CACNA2D1: variants seen among roughly 807,000 people sequenced by gnomAD.
The protein encoded by CACNA2D1 is calcium voltage-gated channel auxiliary subunit alpha2delta 1, also known as voltage-dependent calcium channel subunit alpha-2/delta-1.
Under a neutral mutation model 171.5 loss-of-function variants are expected in CACNA2D1, and 53 were observed. That is an observed-to-expected ratio of 0.31 (90% CI 0.25 to 0.39). The LOEUF is 0.39. CACNA2D1 is among the 10% of genes least tolerant of loss of function. The pLI, the probability that CACNA2D1 is intolerant of heterozygous loss-of-function variation, is 1.00. For synonymous variants in CACNA2D1, 442 were observed against 443.1 expected (o/e 1.00, Z 0.03); for missense variants, 903 against 1,299.8 (o/e 0.69, Z 4.69).
At chr7:82,225,332 A>G (rs977828817) in intron 3 of CACNA2D1, among the ~76,000 whole-genome samples, 8 of 152,214 alleles carry the variant, frequency 5.3e-5, no homozygotes. Flanking sequence ...CAAAAGACTT[A>G]TTATAAAATT....
chr7:82,294,063 T>A lies in CACNA2D1; in HGVS notation c.294+41072A>T, dbSNP rs562775745. Among the ~76,000 whole-genome samples, 14 of 152,310 alleles carry A rather than the reference T, an allele frequency of 9.2e-5. No individual in the cohort carries two copies. In the South Asian group the frequency reaches 2.9e-3, roughly 32 times the overall value. On this transcript the variant is annotated intron_variant, in intron 3 of 38. Coordinates refer to ENST00000356860, the MANE Select transcript of CACNA2D1 (RefSeq NM_000722.4). The stretch of plus-strand genomic sequence containing the variant: ...CAGATTTAAGTCTTCATTTTTCCTT[T>A]ATTTTATTCCAATGGGGCATTTGAA...
At chr7:81,952,237 C>T (rs1377851904) in intron 38 of CACNA2D1, among the ~76,000 whole-genome samples, 2 of 151,464 alleles carry the variant, frequency 1.3e-5, no homozygotes, top group African/African-American at 4.9e-5. Flanking sequence ...GGTAGATGTT[C>T]TAAGAATCAA....
chr7:82,363,350 C>T (rs1277810685), intron 1 of CACNA2D1, among the ~76,000 whole-genome samples: 1 of 147,924 alleles, frequency 6.8e-6, no homozygotes, highest in Non-Finnish European at 1.5e-5. Context: ...CTGCAAGCTC[C>T]ACCTCCCAGG....
At chr7:82,050,407 G>A (rs930187619) in intron 10 of CACNA2D1, 14 of 582,098 alleles carry the variant, frequency 2.4e-5, no homozygotes, top group Non-Finnish European at 3.7e-5. Context: ...TGCACAAGCT[G>A]CCCAAACCTC....
At chr7:81,957,667 TCA>T (rs1793574537) in intron 38 of CACNA2D1, among the ~76,000 whole-genome samples, 1 of 152,082 alleles carries the variant, frequency 6.6e-6, no homozygotes, top group Non-Finnish European at 1.5e-5. Context: ...CAGAGCAGAT[TCA>T]CAGTGACCAT....
intron 3 of CACNA2D1, among the ~76,000 whole-genome samples, chr7:82,328,865 A>C (rs1585516500): frequency 6.6e-6 from 1 of 152,158 alleles, no homozygotes; most frequent in East Asian, 1.9e-4. Flanking sequence ...ATTCTATTGA[A>C]TCTATTCTCA....
chr7:82,337,660 T>C (rs556799241), intron 2 of CACNA2D1, among the ~76,000 whole-genome samples: 2 of 152,310 alleles, frequency 1.3e-5, no homozygotes, highest in Admixed American at 1.3e-4. Flanking sequence ...GTGGAAATAA[T>C]ACGAGTTTTT....
chr7:82,031,389 T>G (rs1200480386), intron 12 of CACNA2D1, among the ~76,000 whole-genome samples: 1 of 152,074 alleles, frequency 6.6e-6, no homozygotes, highest in South Asian at 2.1e-4. Context: ...TGATGATTTC[T>G]TTGAAAGAAA....
At chr7:82,299,170 C>T (rs1812684253) in intron 3 of CACNA2D1, among the ~76,000 whole-genome samples, 1 of 151,026 alleles carries the variant, frequency 6.6e-6, no homozygotes, top group Non-Finnish European at 1.5e-5. Flanking sequence ...ATGTTGTTAA[C>T]ATTAAAGACA....
At chr7:82,359,554 T>C (rs1274514323) in intron 1 of CACNA2D1, among the ~76,000 whole-genome samples, 5 of 152,166 alleles carry the variant, frequency 3.3e-5, no homozygotes, top group Non-Finnish European at 5.9e-5. Flanking sequence ...AAATACGTTT[T>C]CTTTCTACTA....
intron 1 of CACNA2D1, among the ~76,000 whole-genome samples, chr7:82,391,843 T>C (rs887854334): frequency 9.9e-5 from 15 of 152,222 alleles, no homozygotes; most frequent in African/African-American, 3.6e-4. Context: ...ATTGAACCAT[T>C]ACTGTGGATG....
intron 5 of CACNA2D1, 81 bp from the exon 6 acceptor site, chr7:82,117,254 T>C (rs945800294): frequency 5.5e-5 from 74 of 1,348,074 alleles, no homozygotes; most frequent in South Asian, 6.0e-5. Flanking sequence ...ACTTGCCAAA[T>C]GCATATTTTT....
chr7:82,018,096 A>G (rs540829185), intron 12 of CACNA2D1, among the ~76,000 whole-genome samples: 11 of 152,306 alleles, frequency 7.2e-5, no homozygotes, highest in African/African-American at 2.4e-4. Flanking sequence ...GTTTGCTTCT[A>G]TGAAATTTTC....
chr7:82,322,231 A>T (rs562932929), intron 3 of CACNA2D1, among the ~76,000 whole-genome samples: 1 of 151,324 alleles, frequency 6.6e-6, no homozygotes, highest in East Asian at 1.9e-4. Flanking sequence ...AGAACTGCCA[A>T]CTCCCTTGCC....
intron 11 of CACNA2D1, among the ~76,000 whole-genome samples, chr7:82,033,971 T>C (rs903652876): frequency 6.6e-6 from 1 of 152,114 alleles, no homozygotes; most frequent in African/African-American, 2.4e-5. Flanking sequence ...TATGGAACTT[T>C]AAATTTTCTA....
At chr7:81,995,798 C>CAAAA (rs59979323) in intron 19 of CACNA2D1, among the ~76,000 whole-genome samples, 13 of 101,536 alleles carry the variant, frequency 1.3e-4, no homozygotes, top group African/African-American at 4.1e-4. Flanking sequence ...GACTCCACCT[C>CAAAA]AAAAAAAAAA....
chr7:82,375,797 T>C (rs750231760), intron 1 of CACNA2D1, among the ~76,000 whole-genome samples: 4 of 152,268 alleles, frequency 2.6e-5, no homozygotes, highest in South Asian at 4.1e-4. Context: ...TTGTAGACTG[T>C]CTTAATTGCC....
chr7:82,338,714 G>T (rs1818282323), intron 2 of CACNA2D1, among the ~76,000 whole-genome samples: 2 of 152,170 alleles, frequency 1.3e-5, no homozygotes, highest in Non-Finnish European at 2.9e-5. Flanking sequence ...AGCCGAAGGT[G>T]AGTGGTAATG....
At chr7:82,403,069 A>C (rs1024020515) in intron 1 of CACNA2D1, among the ~76,000 whole-genome samples, 2 of 152,188 alleles carry the variant, frequency 1.3e-5, no homozygotes, top group African/African-American at 4.8e-5. Context: ...GGGAGTATTC[A>C]GCGAATTCTA....
Sources: gnomAD v4.1 joint callset for allele counts (sites outside exome capture counted in the v4.1 genomes callset) on GRCh38, gnomAD v4.1.1 for gene constraint, MANE v1.5 for transcripts, NCBI Gene and HGNC (gene_info 2026-07-23, HGNC 2026-07-21) for gene names.